Variants in HOXB8 observed in about 807,000 individuals in gnomAD.
HOXB8 encodes the protein homeobox protein Hox-B8.
HOXB8 carries 17 observed loss-of-function variants against 22.2 expected under a neutral mutation model. The observed-to-expected ratio is 0.77, with a 90% CI of 0.53 to 1.15. The LOEUF (loss-of-function observed/expected upper bound fraction) is 1.15, where lower values mean the gene tolerates loss of function less well. HOXB8 is among the 50% of genes most tolerant of loss of function. The pLI, the probability that HOXB8 is intolerant of heterozygous loss-of-function variation, is 0.00. For synonymous variants in HOXB8, 156 were observed against 144.6 expected, an observed-to-expected ratio of 1.08 and a Z score of -0.57; for missense variants, 287 against 323.8, an observed-to-expected ratio of 0.89 and a Z score of 0.87.
In HOXB8 at chr17:48,614,784, G is replaced by A. The variant is rs1332863580; in HGVS notation, c.-80C>T. The A allele has an allele frequency of 1.1e-6, 1 of 940,674 alleles. No homozygotes were observed. The highest frequency in any genetic ancestry group is 1.9e-5 in the South Asian group (1 of 52,096). 58.3% of individuals were successfully genotyped at this position (940,674 alleles called of 1,614,324 possible). A position where few individuals can be genotyped will look rare whatever the true frequency, so the allele number is the denominator to read the frequency against. ...GGGAGGGGGTGGGGAGGGGGAAAGG[G>A]AGGGAGAGAGAGAAAAAAACGCGGA... is the stretch of plus-strand genomic sequence containing the variant. On this transcript the variant is annotated 5_prime_UTR_variant, in exon 1 of 2. Coordinates refer to ENST00000239144, the MANE Select transcript of HOXB8 (RefSeq NM_024016.4). The surrounding 1 kb of genome is among the most constrained non-coding windows in gnomAD (Gnocchi z 4.1).
At position 48,615,234 on chromosome 17, in the gene HOXB8, AGAGAGCGAGC is replaced by A. The variant is rs996793243; in HGVS notation, c.-540_-531del. On this transcript the variant is annotated 5_prime_UTR_variant, in exon 1 of 2. Transcript: ENST00000239144. ...AACGCAGAGCGAGGGTGAGAGCGAG[AGAGAGCGAGC>A]GAGAGAGAGAGCTAGAGCGAGAGAG... 9.6e-5 allele frequency among the ~76,000 whole-genome samples: 11 copies of A among 114,812 alleles called. No individual in the cohort carries two copies. The highest frequency in any genetic ancestry group is 2.8e-4 in the South Asian group (1 of 3,590). 75.3% of individuals were successfully genotyped at this position (114,812 alleles called of 152,430 possible).
rs1276712005 is a variant in HOXB8 at position 48,614,217 on chromosome 17, G to C, written c.424+64C>G. On this transcript the variant is annotated intron_variant, in intron 1 of 1. Transcript: ENST00000239144. This position sits in a 1 kb window ranked among gnomAD's most constrained non-coding sequence, Gnocchi z 4.1. ...CCAGAAGCTGGAGGAAATGCGCCCC[G>C]GCCTGCCAGGCCTTGGGCCCTTCCG... is the stretch of plus-strand genomic sequence containing the variant. 3.6e-5 allele frequency: 5 copies of C among 137,892 alleles called. No homozygotes were observed. The highest frequency in any genetic ancestry group is 1.1e-4 in the African/African-American group (3 of 27,890). 8.5% of individuals were successfully genotyped at this position (137,892 alleles called of 1,614,324 possible). A position where few individuals can be genotyped will look rare whatever the true frequency, so the allele number is the denominator to read the frequency against.
rs1260549854 is a variant in HOXB8 at position 48,614,160 on chromosome 17, G to T, written c.424+121C>A. The T allele has an allele frequency of 2.9e-6, 2 of 686,574 alleles. No individual in the cohort carries two copies. Among genetic ancestry groups the T allele is most frequent in the African/African-American group, 1.8e-5 (1 of 54,204 alleles). 42.5% of individuals were successfully genotyped at this position (686,574 alleles called of 1,614,324 possible). A position where few individuals can be genotyped will look rare whatever the true frequency, so the allele number is the denominator to read the frequency against. On this transcript the variant is annotated intron_variant, in intron 1 of 1. Transcript: ENST00000239144. This position sits in a 1 kb window ranked among gnomAD's most constrained non-coding sequence, Gnocchi z 4.1. Reference sequence around the variant, plus strand: ...AAGATAAGAAAGAAAGGGGAAAAGCGGCAGGCGATCGGAACGGAGCCGGCA... The same window carrying T: ...AAGATAAGAAAGAAAGGGGAAAAGCTGCAGGCGATCGGAACGGAGCCGGCA...
At position 48,613,528 on chromosome 17, in the gene HOXB8, G is replaced by A. The variant is rs1294830725; in HGVS notation, c.425-19C>T. ...GCGGCTGCTGGGAATGGGGGAAAGG[G>A]CGAGACAGAGGGGAGGGGAGGGTGG... On this transcript the variant is annotated intron_variant, in intron 1 of 1. Transcript: ENST00000239144. 1.6e-6 allele frequency: 2 copies of A among 1,239,394 alleles called. No individual in the cohort carries two copies. The highest frequency in any genetic ancestry group is 3.7e-5 in the East Asian group (1 of 27,304). The allele number at this position is 1,239,394 out of a possible 1,614,324, so 76.8% of individuals were successfully genotyped here. A position where few individuals can be genotyped will look rare whatever the true frequency, so the allele number is the denominator to read the frequency against.
In HOXB8 at chr17:48,614,218, G is replaced by GTCTGCCAGGCCC; in HGVS notation, c.424+62_424+63insGGGCCTGGCAGA. 1 of 124,974 alleles carries GTCTGCCAGGCCC rather than the reference G, an allele frequency of 8.0e-6. No individual in the cohort carries two copies. The allele number at this position is 124,974 out of a possible 1,614,324, so 7.7% of individuals were successfully genotyped here. A position where few individuals can be genotyped will look rare whatever the true frequency, so the allele number is the denominator to read the frequency against. On this transcript the variant is annotated intron_variant, in intron 1 of 1. Coordinates refer to ENST00000239144, the MANE Select transcript of HOXB8 (RefSeq NM_024016.4). This position sits in a 1 kb window ranked among gnomAD's most constrained non-coding sequence, Gnocchi z 4.1. Reference sequence around the variant, plus strand: ...CAGAAGCTGGAGGAAATGCGCCCCGGCCTGCCAGGCCTTGGGCCCTTCCGG... The same window carrying GTCTGCCAGGCCC: ...CAGAAGCTGGAGGAAATGCGCCCCGGTCTGCCAGGCCCCCTGCCAGGCCTTGGGCCCTTCCGG...
rs1331244327 is a variant in HOXB8, at chr17:48,615,151, A to T, written c.-447T>A. The stretch of plus-strand genomic sequence containing the variant: ...TATTTTGCACTGTCTTTTCATGATC[A>T]TTTGCATCCATTAGAGACCCCGCAT... On this transcript the variant is annotated 5_prime_UTR_variant, in exon 1 of 2. It removes an upstream start codon present in the reference 5' UTR. Transcript: ENST00000239144. 6.6e-6 allele frequency among the ~76,000 whole-genome samples: 1 copy of T among 151,688 alleles called. No individual in the cohort carries two copies. The highest frequency in any genetic ancestry group is 2.4e-5 in the African/African-American group (1 of 41,236).
rs1296886720 is a variant in HOXB8, at chr17:48,614,604, C to T, written c.101G>A (p.Gly34Asp). 1.2e-6 allele frequency: 2 copies of T among 1,609,288 alleles called. No individual in the cohort carries two copies. The highest frequency in any genetic ancestry group is 1.7e-6 in the Non-Finnish European group (2 of 1,177,912). Residue 34 changes from glycine (G) to aspartate (D), a missense_variant, in exon 1 of 2, where the codon GGC becomes GAC. Gly to Asp is a moderately conservative substitution (Grantham distance 94). This residue lies in a region of HOXB8 where 229 missense variants were observed against 239.8 expected (regional missense o/e 0.95). Transcript: ENST00000239144. The surrounding 1 kb of genome is among the most constrained non-coding windows in gnomAD (Gnocchi z 4.1). ...GGGACCGTACACCACGGTGGGTCGG[C>T]CGCCCAGGTCCTGGGCGAAGCCGCA... ...YDCGFAQDLGGRPTVVYGPSS... is the reference protein window; with the variant it reads ...YDCGFAQDLGDRPTVVYGPSS...
At chr17:48,613,651 G>C in intron 1 of HOXB8, 142 bp from the exon 2 acceptor site, 1 of 638,560 alleles carries the variant, frequency 1.6e-6, no homozygotes, top group Non-Finnish European at 2.6e-6. Flanking sequence ...TGCGGGGGCG[G>C]GGGGGGCGCA....
chr17:48,614,681 T>C lies in HOXB8; in HGVS notation c.24A>G (p.Ser8=), dbSNP rs780652840. Residue 8 remains serine (S), a synonymous_variant, in exon 1 of 2, where the codon TCA becomes TCG. Coordinates refer to ENST00000239144, the MANE Select transcript of HOXB8 (RefSeq NM_024016.4). This position sits in a 1 kb window ranked among gnomAD's most constrained non-coding sequence, Gnocchi z 4.1. MSSYFVN[S]LFSKYKTGES... is the part of the protein sequence containing the mutation. Reference sequence around the variant, plus strand: ...CCCCGGTTTTGTATTTGGAGAACAGTGAGTTGACGAAATAAGAGCTCATTT... The same window carrying C: ...CCCCGGTTTTGTATTTGGAGAACAGCGAGTTGACGAAATAAGAGCTCATTT... The C allele has an allele frequency of 6.3e-7, 1 of 1,587,060 alleles. No homozygotes were observed. Among genetic ancestry groups the C allele is most frequent in the South Asian group, 1.1e-5 (1 of 89,468 alleles).
rs199714142 is a variant in HOXB8, at chr17:48,613,298, G to A, written c.636C>T (p.Ser212=). The stretch of plus-strand genomic sequence containing the variant: ...CCAGCTCCTCCTGCTCGCATTTGCT[G>A]CTGGGGAACTTGTCTTTGTTGTTCT... ...KKENNKDKFP[S]SKCEQEELEK... The change falls in exon 2 of 2, where the codon AGC becomes AGT. Residue 212 remains serine, a synonymous_variant. Coordinates refer to ENST00000239144, the MANE Select transcript of HOXB8 (RefSeq NM_024016.4). 4.3e-6 allele frequency: 7 copies of A among 1,614,016 alleles called. No homozygotes were observed. Among genetic ancestry groups the A allele is most frequent in the Non-Finnish European group, 5.9e-6 (7 of 1,179,968 alleles).
Position 48,614,796 on chromosome 17 carries a change from G to A in HOXB8, c.-92C>T, listed in dbSNP as rs895249457. The stretch of plus-strand genomic sequence containing the variant: ...GGAGGGGGAAAGGGAGGGAGAGAGA[G>A]AAAAAAACGCGGATTCGCCGGCTCC... On this transcript the variant is annotated 5_prime_UTR_variant, in exon 1 of 2. Coordinates refer to ENST00000239144, the MANE Select transcript of HOXB8 (RefSeq NM_024016.4). This position sits in a 1 kb window ranked among gnomAD's most constrained non-coding sequence, Gnocchi z 4.1. The A allele has an allele frequency of 1.4e-5, 13 of 934,064 alleles. No homozygotes were observed. Among genetic ancestry groups the A allele is most frequent in the Non-Finnish European group, 1.6e-5 (11 of 678,490 alleles). The allele number at this position is 934,064 out of a possible 1,614,324, so 57.9% of individuals were successfully genotyped here.
In HOXB8 at chr17:48,614,886, C is replaced by T. The variant is rs1597891377; in HGVS notation, c.-182G>A. ...GGAAAAAAAGAAAAGAAAGAAAAGG[C>T]GAAGAAGATCTCGAAGCCGACACAC... is the stretch of plus-strand genomic sequence containing the variant. On this transcript the variant is annotated 5_prime_UTR_variant, in exon 1 of 2. Transcript: ENST00000239144. This position sits in a 1 kb window ranked among gnomAD's most constrained non-coding sequence, Gnocchi z 4.1. 3 of 548,608 alleles carry T rather than the reference C, an allele frequency of 5.5e-6. No homozygotes were observed. The highest frequency in any genetic ancestry group is 9.4e-6 in the Non-Finnish European group (3 of 318,194). 34.0% of individuals were successfully genotyped at this position (548,608 alleles called of 1,614,324 possible).
Position 48,614,471 on chromosome 17 carries a change from G to A in HOXB8, c.234C>T (p.Cys78=). 1 of 1,614,000 alleles carries A rather than the reference G, an allele frequency of 6.2e-7. No individual in the cohort carries two copies. The highest frequency in any genetic ancestry group is 2.2e-5 in the East Asian group (1 of 44,870). The change falls in exon 1 of 2, where the codon TGC becomes TGT. Residue 78 remains cysteine (C), a synonymous_variant. Coordinates refer to ENST00000239144, the MANE Select transcript of HOXB8 (RefSeq NM_024016.4). The surrounding 1 kb of genome is among the most constrained non-coding windows in gnomAD (Gnocchi z 4.1). ...PYQQNPCAVA[C]HGDPGNFYGY... is the part of the protein sequence containing the mutation. ...CGTAGAAATTGCCGGGGTCCCCGTG[G>A]CACGCCACGGCGCACGGGTTCTGCT...
At position 48,614,449 on chromosome 17, in the gene HOXB8, A is replaced by C; in HGVS notation, c.256T>G (p.Tyr86Asp). 6.2e-7 allele frequency: 1 copy of C among 1,613,994 alleles called. No individual in the cohort carries two copies. The highest frequency in any genetic ancestry group is 8.5e-7 in the Non-Finnish European group (1 of 1,179,922). Residue 86 changes from tyrosine to aspartate, a missense_variant, in exon 1 of 2, where the codon TAC becomes GAC. Tyr to Asp is a radical substitution (Grantham distance 160). This residue lies in a region of HOXB8 where 229 missense variants were observed against 239.8 expected (regional missense o/e 0.95). Coordinates refer to ENST00000239144, the MANE Select transcript of HOXB8 (RefSeq NM_024016.4). The surrounding 1 kb of genome is among the most constrained non-coding windows in gnomAD (Gnocchi z 4.1). ...TGGCGTTGCAGCGGGTCGTAGCCGT[A>C]GAAATTGCCGGGGTCCCCGTGGCAC... ...VACHGDPGNF[Y>D]GYDPLQRQSL...
rs112978726 is a variant in HOXB8 at position 48,614,402 on chromosome 17, A to G, written c.303T>C (p.Asp101=). Residue 101 remains aspartate, a synonymous_variant, in exon 1 of 2, where the codon GAT becomes GAC. Transcript: ENST00000239144. The surrounding 1 kb of genome is among the most constrained non-coding windows in gnomAD (Gnocchi z 4.1). The part of the protein sequence containing the change: ...LQRQSLFGAQ[D]PDLVQYADCK... ...AGTCTGCGTACTGCACCAGGTCTGG[A>G]TCCTGCGCACCGAATAGGCTCTGGC... 1.2e-6 allele frequency: 2 copies of G among 1,613,376 alleles called. No homozygotes were observed. Among genetic ancestry groups the G allele is most frequent in the Non-Finnish European group, 1.7e-6 (2 of 1,179,844 alleles).
Position 48,614,139 on chromosome 17 carries a change from T to G in HOXB8, c.424+142A>C. The G allele has an allele frequency of 1.6e-6, 1 of 612,156 alleles. No homozygotes were observed. The highest frequency in any genetic ancestry group is 2.6e-6 in the Non-Finnish European group (1 of 382,776). 37.9% of individuals were successfully genotyped at this position (612,156 alleles called of 1,614,324 possible). A position where few individuals can be genotyped will look rare whatever the true frequency, so the allele number is the denominator to read the frequency against. On this transcript the variant is annotated intron_variant, in intron 1 of 1. Coordinates refer to ENST00000239144, the MANE Select transcript of HOXB8 (RefSeq NM_024016.4). This position sits in a 1 kb window ranked among gnomAD's most constrained non-coding sequence, Gnocchi z 4.1. ...AGAAAAAAGAAAGAAGAAAGAAAGA[T>G]AAGAAAGAAAGGGGAAAAGCGGCAG...
At position 48,613,391 on chromosome 17, in the gene HOXB8, G is replaced by A. The variant is rs1567981339; in HGVS notation, c.543C>T (p.His181=). The change falls in exon 2 of 2, where the codon CAC becomes CAT. Residue 181 remains histidine, a synonymous_variant. Transcript: ENST00000239144. The part of the protein sequence containing the change: ...LTRKRRIEVS[H]ALGLTERQVK... ...CCTGTCTCTCTGTCAGTCCCAGGGC[G>A]TGCGATACCTCGATTCGCCGCTTAC... The A allele has an allele frequency of 6.2e-7, 1 of 1,613,996 alleles. No homozygotes were observed. Among genetic ancestry groups the A allele is most frequent in the African/African-American group, 1.3e-5 (1 of 74,970 alleles).
Position 48,614,482 on chromosome 17 carries a change from C to T in HOXB8, c.223G>A (p.Ala75Thr), listed in dbSNP as rs753785842. The T allele has an allele frequency of 6.2e-7, 1 of 1,613,982 alleles. No individual in the cohort carries two copies. Among genetic ancestry groups the T allele is most frequent in the Admixed American group, 1.7e-5 (1 of 60,024 alleles). The change falls in exon 1 of 2, where the codon GCC becomes ACC. Residue 75 changes from alanine to threonine, a missense_variant. This residue lies in a region of HOXB8 where 229 missense variants were observed against 239.8 expected (regional missense o/e 0.95). Transcript: ENST00000239144. The surrounding 1 kb of genome is among the most constrained non-coding windows in gnomAD (Gnocchi z 4.1). ...CCGGGGTCCCCGTGGCACGCCACGG[C>T]GCACGGGTTCTGCTGGTAGGGAGCC... ...STAPYQQNPC[A>T]VACHGDPGNF...
Position 48,614,852 on chromosome 17 carries a change from A to G in HOXB8, c.-148T>C. 4.9e-6 allele frequency: 3 copies of G among 612,742 alleles called. No homozygotes were observed. Among genetic ancestry groups the G allele is most frequent in the Non-Finnish European group, 5.5e-6 (2 of 366,306 alleles). The allele number at this position is 612,742 out of a possible 1,614,324, so 38.0% of individuals were successfully genotyped here. ...ACCCTCGCCAGGAAAGGAGAGGGAA[A>G]GAGAGGAGGGAAAAAAAGAAAAGAA... On this transcript the variant is annotated 5_prime_UTR_variant, in exon 1 of 2. Coordinates refer to ENST00000239144, the MANE Select transcript of HOXB8 (RefSeq NM_024016.4). This position sits in a 1 kb window ranked among gnomAD's most constrained non-coding sequence, Gnocchi z 4.1.
Sources: gnomAD v4.1 joint callset for allele counts (sites outside exome capture counted in the v4.1 genomes callset) on GRCh38, gnomAD v4.1.1 for gene constraint, gnomAD v4.1.1 regional missense constraint, Gnocchi (gnomAD v3.1) non-coding constraint, MANE v1.5 for transcripts, NCBI Gene and HGNC (gene_info 2026-07-23, HGNC 2026-07-21) for gene names.